The following POLR3K variants were observed in gnomAD, a reference collection of about 807,000 sequenced individuals.
POLR3K encodes the protein DNA-directed RNA polymerase III subunit RPC10.
Under a neutral mutation model 13.5 loss-of-function variants are expected in POLR3K, and 11 were observed. The observed-to-expected ratio is 0.81, with a 90% confidence interval of 0.51 to 1.35. The LOEUF is 1.35. POLR3K is among the 40% of genes most tolerant of loss of function. The probability of loss-of-function intolerance (pLI) is 0.00; values close to 1 mark genes in which losing one functional copy is unlikely to be tolerated. For missense variants in POLR3K, 144 were observed against 145.3 expected, an observed-to-expected ratio of 0.99 and a Z score of 0.05; for synonymous variants, 56 against 51.5, an observed-to-expected ratio of 1.09 and a Z score of -0.38.
chr16:50,955 C>G (rs554996625), intron 2 of POLR3K, among the ~76,000 whole-genome samples: 41 of 152,274 alleles, frequency 2.7e-4, no homozygotes, highest in African/African-American at 9.9e-4. Flanking sequence ...GAAACGCAAA[C>G]GCTTATAAAA....
At chr16:47,733 T>G (rs989024441) in intron 2 of POLR3K, among the ~76,000 whole-genome samples, 176 bp from the exon 3 acceptor site, 1 of 148,844 alleles carries the variant, frequency 6.7e-6, no homozygotes, top group African/African-American at 2.5e-5. Flanking sequence ...AATACAAAAT[T>G]AGCCAGGCGT....
At chr16:52,790 A>AAAAAAAAAAT in intron 1 of POLR3K, among the ~76,000 whole-genome samples, 2 of 26,194 alleles carry the variant, frequency 7.6e-5, no homozygotes, top group African/African-American at 1.3e-4. Context: ...AAAAAAAAAA[A>AAAAAAAAAAT]AAAAACAATA....
intron 2 of POLR3K, among the ~76,000 whole-genome samples, chr16:50,685 G>C (rs1485674530): frequency 6.6e-6 from 1 of 151,964 alleles, no homozygotes; most frequent in Non-Finnish European, 1.5e-5. Context: ...ACCACACCCG[G>C]CTAATTATTT....
intron 1 of POLR3K, chr16:52,981 C>G (rs1333586058): frequency 6.4e-6 from 1 of 155,174 alleles, no homozygotes; most frequent in East Asian, 1.9e-4. Context: ...TGAGCAACAG[C>G]AAGTGCAAAG....
In POLR3K at chr16:46,411, A is replaced by G. The variant is rs1897283228; in HGVS notation, c.*1019T>C. 6.6e-6 allele frequency: 1 copy of G among 152,188 alleles called. No individual in the cohort carries two copies. Among genetic ancestry groups the G allele is most frequent in the South Asian group, 2.1e-4 (1 of 4,824 alleles). 9.4% of individuals were successfully genotyped at this position (152,188 alleles called of 1,614,324 possible). ...AGGAACTGATCAACATGTTCAAACA[A>G]TAAGAAAATAGTCATATTAAATGTA... On this transcript the variant is annotated 3_prime_UTR_variant, in exon 3 of 3. Transcript: ENST00000293860.
At position 46,854 on chromosome 16, in the gene POLR3K, G is replaced by T. The variant is rs189563700; in HGVS notation, c.*576C>A. 6.6e-6 allele frequency: 1 copy of T among 152,190 alleles called. No individual in the cohort carries two copies. Among genetic ancestry groups the T allele is most frequent in the East Asian group, 1.9e-4 (1 of 5,186 alleles). The allele number at this position is 152,190 out of a possible 1,614,324, so 9.4% of individuals were successfully genotyped here. Reference sequence around the variant, plus strand: ...GGGAGTAAGAATAGGAATAAAGAAAGAAATTGAAATCCCGGTGATTAACAT... The same window carrying T: ...GGGAGTAAGAATAGGAATAAAGAAATAAATTGAAATCCCGGTGATTAACAT... On this transcript the variant is annotated 3_prime_UTR_variant, in exon 3 of 3. Transcript: ENST00000293860.
chr16:47,443 C>T lies in POLR3K; in HGVS notation c.314G>A (p.Arg105His), dbSNP rs182344447. The change falls in exon 3 of 3, where the codon CGC becomes CAC. Residue 105 changes from arginine (R) to histidine (H), a missense_variant. Arg to His is a conservative substitution (Grantham distance 29). Transcript: ENST00000293860. ...YKCCNAQCGH[R>H]WRD ...GCCATCCTGGCCCTAATCCCTCCAGCGGTGTCCACACTGAGCATTGCAGCA... is the reference window on the plus strand; with the variant it reads ...GCCATCCTGGCCCTAATCCCTCCAGTGGTGTCCACACTGAGCATTGCAGCA... 71 of 1,612,542 alleles carry T rather than the reference C, an allele frequency of 4.4e-5. No individual in the cohort carries two copies. In the African/African-American group the frequency reaches 6.1e-4, roughly 14 times the overall value.
rs537422371 is a variant in POLR3K at position 47,302 on chromosome 16, A to C, written c.*128T>G. The C allele has an allele frequency of 1.5e-4, 192 of 1,266,112 alleles. 1 individual carries two copies. In the African/African-American group the frequency reaches 2.7e-3, roughly 18 times the overall value. The allele number at this position is 1,266,112 out of a possible 1,614,324, so 78.4% of individuals were successfully genotyped here. A position where few individuals can be genotyped will look rare whatever the true frequency, so the allele number is the denominator to read the frequency against. On this transcript the variant is annotated 3_prime_UTR_variant, in exon 3 of 3. Transcript: ENST00000293860. ...ATATTTCCTGACCCCCTGGCTCTTC[A>C]CCTCAAAAGGTTTATCTTTCCACCA... is the stretch of plus-strand genomic sequence containing the variant.
At chr16:53,439 G>A (rs1456161510) in intron 1 of POLR3K, 37 bp downstream of exon 1, 1 of 1,437,372 alleles carries the variant, frequency 7.0e-7, no homozygotes, top group African/African-American at 2.9e-5. Flanking sequence ...AGGCCTGCGA[G>A]AGTCGCCCGC....
At position 49,067 on chromosome 16, in the gene POLR3K, G is replaced by A. The variant is rs1260865736; in HGVS notation, c.200-1510C>T. On this transcript the variant is annotated intron_variant, in intron 2 of 2. Coordinates refer to ENST00000293860, the MANE Select transcript of POLR3K (RefSeq NM_016310.5). The stretch of plus-strand genomic sequence containing the variant: ...CTAGGGAGGCTGAGGCAGGAGAATC[G>A]CTTGAACCCGGGCAGCATAGGTTTG... Among the ~76,000 whole-genome samples, 9 of 150,550 alleles carry A rather than the reference G, an allele frequency of 6.0e-5. No individual in the cohort carries two copies. The South Asian group carries it at 6.3e-4, about 11-fold the overall frequency.
At chr16:51,743 G>T in intron 1 of POLR3K, 98 bp from the exon 2 acceptor site, 1 of 981,802 alleles carries the variant, frequency 1.0e-6, no homozygotes, top group Non-Finnish European at 1.6e-6. Context: ...TCACTCGGCT[G>T]GGCGTGGTGG....
intron 2 of POLR3K, among the ~76,000 whole-genome samples, chr16:49,179 C>A (rs1206892375): frequency 6.6e-6 from 1 of 152,000 alleles, no homozygotes; most frequent in African/African-American, 2.4e-5. Context: ...TGGCTCAGGC[C>A]TGTAATCCCA....
At chr16:51,760 C>A in intron 1 of POLR3K, 115 bp from the exon 2 acceptor site, 1 of 778,852 alleles carries the variant, frequency 1.3e-6, no homozygotes, top group South Asian at 1.6e-5. Flanking sequence ...GTGGCTGACA[C>A]CTGTAATCCC....
intron 2 of POLR3K, 150 bp from the exon 3 acceptor site, chr16:47,707 C>T (rs148403942): frequency 0.14 from 98,061 of 709,670 alleles, 7,994 homozygotes; most frequent in Middle Eastern, 0.25. Flanking sequence ...CATGGTGAAA[C>T]CCCATCTCTA....
rs1897285626 is a variant in POLR3K at position 46,611 on chromosome 16, C to T, written c.*819G>A. The T allele has an allele frequency of 1.3e-5, 2 of 152,132 alleles. No individual in the cohort carries two copies. Among genetic ancestry groups the T allele is most frequent in the South Asian group, 4.2e-4 (2 of 4,818 alleles). 9.4% of individuals were successfully genotyped at this position (152,132 alleles called of 1,614,324 possible). A position where few individuals can be genotyped will look rare whatever the true frequency, so the allele number is the denominator to read the frequency against. ...TGGTGGTGCATGCCTGTAGTCCCAG[C>T]TGCTTGGGAGGCTGAGACAGGAGAA... On this transcript the variant is annotated 3_prime_UTR_variant, in exon 3 of 3. Coordinates refer to ENST00000293860, the MANE Select transcript of POLR3K (RefSeq NM_016310.5).
At chr16:48,071 T>C (rs929645291) in intron 2 of POLR3K, among the ~76,000 whole-genome samples, 2 of 150,982 alleles carry the variant, frequency 1.3e-5, no homozygotes, top group South Asian at 2.1e-4. Flanking sequence ...TTTGTATTTT[T>C]AGTAGAGACA....
chr16:48,736 G>A (rs11864394), intron 2 of POLR3K, among the ~76,000 whole-genome samples: 4,437 of 151,822 alleles, frequency 0.029, 236 homozygotes, highest in African/African-American at 0.099. Flanking sequence ...GCGTGAACCC[G>A]GGAGGCGGAG....
Position 47,357 on chromosome 16 carries a change from T to G in POLR3K, c.*73A>C. 6.4e-7 allele frequency: 1 copy of G among 1,551,398 alleles called. No individual in the cohort carries two copies. Among genetic ancestry groups the G allele is most frequent in the African/African-American group, 1.4e-5 (1 of 73,280 alleles). ...AGCAAAGACCCTCAGGACACACAAC[T>G]CATACTGCCAGCTAAGCATCTACCC... On this transcript the variant is annotated 3_prime_UTR_variant, in exon 3 of 3. Coordinates refer to ENST00000293860, the MANE Select transcript of POLR3K (RefSeq NM_016310.5).
In POLR3K at chr16:53,522, C is replaced by T. The variant is rs766444067; in HGVS notation, c.65G>A (p.Arg22His). The T allele has an allele frequency of 4.3e-6, 7 of 1,613,026 alleles. No homozygotes were observed. The highest frequency in any genetic ancestry group is 2.2e-5 in the East Asian group (1 of 44,690). Residue 22 changes from arginine to histidine, a missense_variant, in exon 1 of 3, where the codon CGC becomes CAC. Transcript: ENST00000293860. ...GTAGGGGCACGTGTTGCAGGCGAAG[C>T]GGTGGCAGCGTTGTCCCTCCTCCAC... ...LIVEEGQRCHRFACNTCPYVH... is the reference protein window; with the variant it reads ...LIVEEGQRCHHFACNTCPYVH...
Sources: gnomAD v4.1 joint callset for allele counts (sites outside exome capture counted in the v4.1 genomes callset) on GRCh38, gnomAD v4.1.1 for gene constraint, MANE v1.5 for transcripts, NCBI Gene and HGNC (gene_info 2026-07-23, HGNC 2026-07-21) for gene names.